The following BCL2L13 variants were observed in gnomAD, a reference collection of about 807,000 sequenced individuals.
BCL2L13 encodes BCL2 like 13, also known as bcl-2-like protein 13.
Under a neutral mutation model 25.8 loss-of-function variants are expected in BCL2L13, and 13 were observed. That is an observed-to-expected ratio of 0.50 (90% CI 0.33 to 0.80). BCL2L13 has a LOEUF of 0.80. BCL2L13 is among the 30% of genes least tolerant of loss of function. The pLI, the probability that BCL2L13 is intolerant of heterozygous loss-of-function variation, is 0.02. For synonymous variants in BCL2L13, 244 were observed against 230.3 expected, an observed-to-expected ratio of 1.06 and a Z score of -0.54; for missense variants, 504 against 574.9, an observed-to-expected ratio of 0.88 and a Z score of 1.26.
At chr22:17,673,387 AG>A (rs2059477372) in intron 2 of BCL2L13, among the ~76,000 whole-genome samples, 3 of 137,550 alleles carry the variant, frequency 2.2e-5, no homozygotes, top group Non-Finnish European at 4.6e-5. Context: ...TTTGAGACAG[AG>A]CCTCACTCCG....
chr22:17,714,186 G>A (rs1241865551), intron 6 of BCL2L13, among the ~76,000 whole-genome samples: 5 of 152,042 alleles, frequency 3.3e-5, no homozygotes, highest in Non-Finnish European at 5.9e-5. Context: ...CCAGCTACTC[G>A]GGAGGCTGAG....
At chr22:17,661,123 C>T (rs1314556973) in intron 2 of BCL2L13, among the ~76,000 whole-genome samples, 1 of 143,934 alleles carries the variant, frequency 6.9e-6, no homozygotes, top group African/African-American at 2.5e-5. Flanking sequence ...CTGGACATTT[C>T]ATTTTGTCAC....
chr22:17,696,400 T>C (rs1354833720), intron 5 of BCL2L13, among the ~76,000 whole-genome samples, 190 bp downstream of exon 5: 1 of 152,188 alleles, frequency 6.6e-6, no homozygotes, highest in Non-Finnish European at 1.5e-5. Flanking sequence ...TGGCTCAAAA[T>C]TATGTGTCCT....
chr22:17,719,754 G>A (rs988245186), intron 6 of BCL2L13, among the ~76,000 whole-genome samples: 5 of 150,632 alleles, frequency 3.3e-5, no homozygotes, highest in African/African-American at 1.2e-4. Flanking sequence ...GCTGGAATCC[G>A]GGAGGCGGAG....
At chr22:17,638,602 G>A, upstream of BCL2L13, 1 of 1,077,626 alleles carries the variant, frequency 9.3e-7, no homozygotes, top group Non-Finnish European at 1.2e-6. Context: ...ATTTGGGCGG[G>A]CTAGGAGGGT....
intron 6 of BCL2L13, among the ~76,000 whole-genome samples, chr22:17,713,915 C>T (rs887326175): frequency 1.3e-5 from 2 of 151,298 alleles, no homozygotes; most frequent in African/African-American, 2.4e-5. Context: ...CCGAGGCGGG[C>T]GAATCACTTG....
intron 1 of BCL2L13, among the ~76,000 whole-genome samples, chr22:17,640,770 C>T (rs2058247633): frequency 6.6e-6 from 1 of 151,776 alleles, no homozygotes; most frequent in African/African-American, 2.4e-5. Context: ...GGGAGGACTG[C>T]TTGAGCCCGG....
At chr22:17,721,525 ATTTT>A (rs3044620) in intron 6 of BCL2L13, among the ~76,000 whole-genome samples, 2 of 122,780 alleles carry the variant, frequency 1.6e-5, no homozygotes, top group East Asian at 2.3e-4. Flanking sequence ...CTTATAAGAA[ATTTT>A]TTTTTTTTTT....
chr22:17,714,201 G>C (rs543660193), intron 6 of BCL2L13, among the ~76,000 whole-genome samples: 1 of 152,212 alleles, frequency 6.6e-6, no homozygotes, highest in Non-Finnish European at 1.5e-5. Context: ...GCTGAGGCAG[G>C]AGAAAGGCGT....
chr22:17,640,716 T>A (rs2058245622), intron 1 of BCL2L13, among the ~76,000 whole-genome samples: 1 of 141,284 alleles, frequency 7.1e-6, no homozygotes, highest in Admixed American at 7.0e-5. Flanking sequence ...AAAAAAAAAA[T>A]TAGCCAGGCA....
intron 6 of BCL2L13, among the ~76,000 whole-genome samples, chr22:17,720,584 C>T (rs138215061): frequency 0.015 from 2,218 of 151,522 alleles, 54 homozygotes; most frequent in African/African-American, 0.05. Context: ...AGGCTGGTCT[C>T]GAACTCCTGA....
At chr22:17,648,465 A>C (rs2058569513) in intron 1 of BCL2L13, among the ~76,000 whole-genome samples, 1 of 152,048 alleles carries the variant, frequency 6.6e-6, no homozygotes, top group South Asian at 2.1e-4. Context: ...TGGGACGCCA[A>C]GGTTGGAGGA....
intron 4 of BCL2L13, among the ~76,000 whole-genome samples, chr22:17,693,912 A>AC (rs1555888965): frequency 6.7e-6 from 1 of 148,690 alleles, no homozygotes; most frequent in African/African-American, 2.5e-5. Flanking sequence ...TAATTTTTGT[A>AC]TTTTTTTTTC....
chr22:17,689,192 C>G (rs771983123), intron 4 of BCL2L13, 50 bp downstream of exon 4: 5 of 1,584,964 alleles, frequency 3.2e-6, no homozygotes, highest in Non-Finnish European at 4.3e-6. Context: ...GTCTCTGGAT[C>G]TCTCATGCAG....
upstream of BCL2L13, among the ~76,000 whole-genome samples, chr22:17,634,344 C>T (rs1261124163): frequency 6.6e-6 from 1 of 152,044 alleles, no homozygotes; most frequent in Admixed American, 6.6e-5. Flanking sequence ...AGCCACCATG[C>T]CCGGCTAATT....
intron 1 of BCL2L13, among the ~76,000 whole-genome samples, chr22:17,650,538 G>T (rs1159238330): frequency 1.3e-5 from 2 of 152,094 alleles, no homozygotes; most frequent in Non-Finnish European, 2.9e-5. Flanking sequence ...GAGAATCACT[G>T]CTGCAAAGAA....
intron 2 of BCL2L13, among the ~76,000 whole-genome samples, chr22:17,660,694 G>A (rs1006032749): frequency 7.5e-5 from 11 of 146,062 alleles, no homozygotes; most frequent in South Asian, 4.3e-4. Context: ...CAAAGTGTTG[G>A]GATTACAGGT....
At chr22:17,643,434 T>C (rs891726666) in intron 1 of BCL2L13, among the ~76,000 whole-genome samples, 1 of 151,722 alleles carries the variant, frequency 6.6e-6, no homozygotes, top group Non-Finnish European at 1.5e-5. Context: ...ATTATTTTAC[T>C]CTCTTTCAGA....
upstream of BCL2L13, among the ~76,000 whole-genome samples, chr22:17,635,997 C>A (rs1193233104): frequency 6.6e-6 from 1 of 152,038 alleles, no homozygotes; most frequent in East Asian, 1.9e-4. Flanking sequence ...GCGTGAACCA[C>A]CACGCCCGGC....
Sources: allele counts gnomAD v4.1 joint callset (sites outside exome capture counted in the v4.1 genomes callset), GRCh38; gene constraint gnomAD v4.1.1; transcripts MANE v1.5; gene names NCBI Gene and HGNC (gene_info 2026-07-23, HGNC 2026-07-21).